The following PTPRD variants were observed in gnomAD, a reference collection of about 807,000 sequenced individuals.
PTPRD encodes receptor-type tyrosine-protein phosphatase delta.
A neutral mutation model predicts 214.5 loss-of-function variants in PTPRD; 34 were observed. That is an observed-to-expected ratio of 0.16 (90% CI 0.12 to 0.21). The LOEUF is 0.21. Among genes scored for constraint, PTPRD ranks in the 10% least tolerant of loss-of-function variants. PTPRD has a pLI of 1.00. For missense variants in PTPRD, 2,545 were observed against 2,398.7 expected, an observed-to-expected ratio of 1.06 and a Z score of -1.27; for synonymous variants, 1,128 against 845.7, an observed-to-expected ratio of 1.33 and a Z score of -5.79.
At chr9:8,639,369 T>C (rs1014476531) in intron 12 of PTPRD, among the ~76,000 whole-genome samples, 3 of 152,190 alleles carry the variant, frequency 2.0e-5, no homozygotes, top group African/African-American at 7.2e-5. Flanking sequence ...ACAAAATAGA[T>C]TGCTGTATTA....
At chr9:9,611,974 C>A (rs906455638) in intron 7 of PTPRD, among the ~76,000 whole-genome samples, 6 of 151,902 alleles carry the variant, frequency 3.9e-5, no homozygotes, top group African/African-American at 1.5e-4. Flanking sequence ...TTAAATATAT[C>A]AGATATTTTT....
intron 3 of PTPRD, among the ~76,000 whole-genome samples, chr9:10,177,090 A>C (rs1295352547): frequency 2.0e-5 from 3 of 151,958 alleles, no homozygotes; most frequent in Non-Finnish European, 4.4e-5. Context: ...TACATTAAAA[A>C]AGAATTGAGA....
At chr9:8,371,477 T>C (rs146185416) in intron 39 of PTPRD, among the ~76,000 whole-genome samples, 26 of 152,166 alleles carry the variant, frequency 1.7e-4, no homozygotes, top group African/African-American at 6.3e-4. Flanking sequence ...AGTGTGAACC[T>C]ATTCTATGAG....
At chr9:9,712,308 A>T (rs1158459405) in intron 7 of PTPRD, among the ~76,000 whole-genome samples, 2 of 152,224 alleles carry the variant, frequency 1.3e-5, no homozygotes, top group African/African-American at 2.4e-5. Context: ...AAAATTCATC[A>T]GATTTTTTTC....
At chr9:10,291,715 A>G (rs2095532737) in intron 3 of PTPRD, among the ~76,000 whole-genome samples, 1 of 152,092 alleles carries the variant, frequency 6.6e-6, no homozygotes, top group Non-Finnish European at 1.5e-5. Flanking sequence ...CACTTCACAC[A>G]GTGAAACTTA....
chr9:8,367,491 G>T (rs894481793), intron 39 of PTPRD, among the ~76,000 whole-genome samples: 9 of 152,040 alleles, frequency 5.9e-5, no homozygotes, highest in African/African-American at 1.9e-4. Context: ...AAAATTCTAC[G>T]ATCTAAAATG....
chr9:8,409,888 C>G (rs3847293), intron 35 of PTPRD, among the ~76,000 whole-genome samples: 17,064 of 152,136 alleles, frequency 0.11, 1,963 homozygotes, highest in East Asian at 0.51. Context: ...GTCAGACTAA[C>G]CATTCTTTTT....
At chr9:8,541,310 G>A (rs531313070) in intron 14 of PTPRD, among the ~76,000 whole-genome samples, 207 of 152,190 alleles carry the variant, frequency 1.4e-3, no homozygotes, top group African/African-American at 3.7e-3. Flanking sequence ...GTTCACTGCA[G>A]CATCAACCTC....
intron 10 of PTPRD, among the ~76,000 whole-genome samples, chr9:9,019,393 T>C (rs898757915): frequency 6.6e-6 from 1 of 151,908 alleles, no homozygotes; most frequent in African/African-American, 2.4e-5. Context: ...TGAGGGCTTA[T>C]TAAACTTTTA....
intron 11 of PTPRD, among the ~76,000 whole-genome samples, chr9:8,904,643 G>A (rs886107349): frequency 6.7e-6 from 1 of 148,186 alleles, no homozygotes; most frequent in Non-Finnish European, 1.5e-5. Context: ...CTGCACTCCA[G>A]CCTGGGTAGC....
intron 7 of PTPRD, among the ~76,000 whole-genome samples, chr9:9,712,751 G>C (rs2097759531): frequency 6.6e-6 from 1 of 152,120 alleles, no homozygotes; most frequent in Non-Finnish European, 1.5e-5. Flanking sequence ...CTTCATCTGA[G>C]CACTTAAAAC....
chr9:8,715,300 C>T (rs2098419248), intron 12 of PTPRD, among the ~76,000 whole-genome samples: 1 of 152,158 alleles, frequency 6.6e-6, no homozygotes, highest in South Asian at 2.1e-4. Context: ...CAACACATAA[C>T]AACTGCAGGA....
At chr9:10,177,543 C>T (rs2099256568) in intron 3 of PTPRD, among the ~76,000 whole-genome samples, 1 of 151,136 alleles carries the variant, frequency 6.6e-6, no homozygotes, top group Non-Finnish European at 1.5e-5. Flanking sequence ...ATAGGCGGGA[C>T]AGGAAGACCA....
At chr9:8,339,117 C>G (rs2132249927) in intron 42 of PTPRD, 70 bp from the exon 43 acceptor site, 1 of 1,359,766 alleles carries the variant, frequency 7.4e-7, no homozygotes, top group African/African-American at 1.5e-5. Flanking sequence ...ATCTATCTAT[C>G]TATCTAATCT....
intron 10 of PTPRD, among the ~76,000 whole-genome samples, chr9:9,142,020 G>C (rs1369031663): frequency 6.6e-6 from 1 of 152,206 alleles, no homozygotes; most frequent in African/African-American, 2.4e-5. Flanking sequence ...GATTATCTTA[G>C]TAGAGCTCCA....
At chr9:8,847,974 T>C (rs965245738) in intron 11 of PTPRD, among the ~76,000 whole-genome samples, 8 of 152,200 alleles carry the variant, frequency 5.3e-5, no homozygotes, top group Non-Finnish European at 1.0e-4. Context: ...GCTGGATCGA[T>C]AGTTCTCTTT....
intron 7 of PTPRD, among the ~76,000 whole-genome samples, chr9:9,681,130 A>G (rs1205375088): frequency 6.6e-6 from 1 of 151,872 alleles, no homozygotes; most frequent in Non-Finnish European, 1.5e-5. Context: ...GGAAATACTC[A>G]AAGCCAATTT....
Position 8,340,329 on chromosome 9 carries a change from G to A in PTPRD, c.5253+14C>T, listed in dbSNP as rs531450463. 7 of 1,592,286 alleles carry A rather than the reference G, an allele frequency of 4.4e-6. No homozygotes were observed. In the East Asian group the frequency reaches 1.3e-4, roughly 31 times the overall value. ...AATGTCTTATGAGGAGACACACAAG[G>A]GCCACACACTTACTCTGCCCATTTC... is the stretch of plus-strand genomic sequence containing the variant. On this transcript the variant is annotated intron_variant, in intron 42 of 45. Coordinates refer to ENST00000381196, the MANE Select transcript of PTPRD (RefSeq NM_002839.4).
At chr9:9,367,087 T>C (rs1255241664) in intron 9 of PTPRD, among the ~76,000 whole-genome samples, 1 of 151,374 alleles carries the variant, frequency 6.6e-6, no homozygotes, top group Non-Finnish European at 1.5e-5. Flanking sequence ...CCACAGAAAA[T>C]GAGTTTTTGA....
Sources: gnomAD v4.1 joint callset for allele counts (sites outside exome capture counted in the v4.1 genomes callset) on GRCh38, gnomAD v4.1.1 for gene constraint, MANE v1.5 for transcripts, NCBI Gene and HGNC (gene_info 2026-07-23, HGNC 2026-07-21) for gene names.